Variants in NAV3 observed in about 807,000 individuals in gnomAD.
NAV3 encodes neuron navigator 3.
Under a neutral mutation model 244.7 loss-of-function variants are expected in NAV3, and 87 were observed. The observed-to-expected ratio is 0.36, with a 90% CI of 0.30 to 0.42. The LOEUF is 0.42. NAV3 is among the 20% of genes least tolerant of loss of function. The pLI is 1.00. For missense variants in NAV3, 2,663 were observed against 2,893.3 expected (o/e 0.92, Z 1.83); for synonymous variants, 1,126 against 1,042.2 (o/e 1.08, Z -1.55).
intron 22 of NAV3, among the ~76,000 whole-genome samples, chr12:78,152,142 C>T (rs907405486): frequency 2.0e-5 from 3 of 151,330 alleles, no homozygotes; most frequent in Non-Finnish European, 4.4e-5. Flanking sequence ...TTCTTACCAT[C>T]AAATACATTT....
intron 3 of NAV3, among the ~76,000 whole-genome samples, chr12:77,941,358 G>C (rs1187077274): frequency 2.6e-5 from 4 of 152,010 alleles, no homozygotes; most frequent in Non-Finnish European, 4.4e-5. Context: ...TTAGATCCTT[G>C]ACTTTTTTTT....
At chr12:77,906,008 G>A (rs1348501165) in intron 1 of NAV3, among the ~76,000 whole-genome samples, 1 of 152,090 alleles carries the variant, frequency 6.6e-6, no homozygotes, top group African/African-American at 2.4e-5. Flanking sequence ...TAGACAAAAG[G>A]TGAACTTCTG....
intron 16 of NAV3, among the ~76,000 whole-genome samples, chr12:78,124,840 T>A (rs1955837614): frequency 6.6e-6 from 1 of 151,724 alleles, no homozygotes; most frequent in Admixed American, 6.6e-5. Context: ...TAAACTAATT[T>A]TGGATAAATA....
At chr12:77,998,706 A>G (rs1240399014) in intron 7 of NAV3, among the ~76,000 whole-genome samples, 1 of 152,220 alleles carries the variant, frequency 6.6e-6, no homozygotes, top group East Asian at 1.9e-4. Flanking sequence ...TGCAAGTACA[A>G]ATACTGTTTC....
chr12:77,915,666 A>T (rs1173688017), intron 1 of NAV3, among the ~76,000 whole-genome samples: 1 of 152,038 alleles, frequency 6.6e-6, no homozygotes, highest in African/African-American at 2.4e-5. Flanking sequence ...ATCCCTGAAG[A>T]TAGTTATTTC....
At chr12:78,150,354 T>G (rs1195894840) in intron 22 of NAV3, among the ~76,000 whole-genome samples, 1 of 152,068 alleles carries the variant, frequency 6.6e-6, no homozygotes, top group African/African-American at 2.4e-5. Context: ...GTCCCTTGGT[T>G]GAGCTCATCA....
chr12:77,745,179 A>C (rs867686987), intron 2 of NAV3, among the ~76,000 whole-genome samples: 19 of 152,058 alleles, frequency 1.2e-4, no homozygotes, highest in Admixed American at 7.9e-4. Context: ...GCTGGTTTTA[A>C]TATCTGAGTA....
chr12:77,863,525 G>T (rs1879567313), intron 1 of NAV3, among the ~76,000 whole-genome samples: 1 of 151,582 alleles, frequency 6.6e-6, no homozygotes, highest in Admixed American at 6.6e-5. Flanking sequence ...ATATTTTCTT[G>T]TACCATAAGT....
At chr12:77,840,161 C>T (rs1875391417) in intron 1 of NAV3, among the ~76,000 whole-genome samples, 1 of 152,074 alleles carries the variant, frequency 6.6e-6, no homozygotes, top group African/African-American at 2.4e-5. Flanking sequence ...TAGCATTTAC[C>T]AGGCTATGAA....
chr12:78,164,372 A>G (rs766207359), intron 23 of NAV3, among the ~76,000 whole-genome samples: 14 of 151,970 alleles, frequency 9.2e-5, no homozygotes, highest in Middle Eastern at 3.2e-3. Flanking sequence ...TCTCTGAAAC[A>G]TTTTTTTGGG....
chr12:78,105,009 A>G (rs1386444555), intron 12 of NAV3, among the ~76,000 whole-genome samples: 1 of 152,158 alleles, frequency 6.6e-6, no homozygotes, highest in African/African-American at 2.4e-5. Context: ...TGTTTAGGAT[A>G]GATTCCTAGA....
intron 30 of NAV3, among the ~76,000 whole-genome samples, chr12:78,182,819 A>T (rs1447035181): frequency 6.6e-6 from 1 of 152,074 alleles, no homozygotes; most frequent in East Asian, 1.9e-4. Flanking sequence ...AAAAAAATTA[A>T]ATCACACAAC....
At chr12:78,209,279 C>T (rs1594061823) in intron 39 of NAV3, among the ~76,000 whole-genome samples, 2 of 152,168 alleles carry the variant, frequency 1.3e-5, no homozygotes, top group East Asian at 1.9e-4. Context: ...CTGTAAAGAG[C>T]ACACAAGCAT....
chr12:77,600,533 T>C (rs1870378975), intron 2 of NAV3, among the ~76,000 whole-genome samples: 1 of 151,936 alleles, frequency 6.6e-6, no homozygotes, highest in Non-Finnish European at 1.5e-5. Flanking sequence ...CCACATTGTA[T>C]ATATGGTCTT....
chr12:78,197,087 T>A (rs1298529423), intron 34 of NAV3, among the ~76,000 whole-genome samples, 160 bp from the exon 35 acceptor site: 1 of 151,912 alleles, frequency 6.6e-6, no homozygotes, highest in Non-Finnish European at 1.5e-5. Context: ...CAATATATGG[T>A]TTTTGATTTG....
intron 5 of NAV3, among the ~76,000 whole-genome samples, chr12:77,989,970 C>A (rs544732723): frequency 1.3e-5 from 2 of 152,160 alleles, no homozygotes; most frequent in South Asian, 2.1e-4. Context: ...AGTATCCAAC[C>A]ATTCCAAGCT....
chr12:78,160,068 T>G (rs1404413808), intron 23 of NAV3, among the ~76,000 whole-genome samples: 4 of 152,152 alleles, frequency 2.6e-5, no homozygotes, highest in African/African-American at 9.7e-5. Context: ...AGGCCAATCC[T>G]GTGTAATTTT....
At chr12:77,940,527 G>T in intron 2 of NAV3, 91 bp downstream of exon 2, 2 of 873,920 alleles carry the variant, frequency 2.3e-6, no homozygotes, top group South Asian at 3.3e-5. Flanking sequence ...TACTGAACTG[G>T]TCCATGTGTC....
chr12:78,156,823 C>CAT lies in NAV3; in HGVS notation c.4786-2369_4786-2368dup, dbSNP rs199890679. Among the ~76,000 whole-genome samples, 65 of 151,886 alleles carry CAT rather than the reference C, an allele frequency of 4.3e-4. No homozygotes were observed. In the East Asian group the frequency reaches 9.1e-3, roughly 21 times the overall value. ...GTTAAACTGAAGTGACCATCATGGG[C>CAT]ATATATATATATTTTAAATTCACAT... On this transcript the variant is annotated intron_variant, in intron 22 of 39. Transcript: ENST00000397909.
Sources: allele counts gnomAD v4.1 joint callset (sites outside exome capture counted in the v4.1 genomes callset), GRCh38; gene constraint gnomAD v4.1.1; transcripts MANE v1.5; gene names NCBI Gene and HGNC (gene_info 2026-07-23, HGNC 2026-07-21).